The following THSD7B variants were observed in gnomAD, a reference collection of about 807,000 sequenced individuals.
THSD7B encodes the protein thrombospondin type 1 domain containing 7B, also known as thrombospondin type-1 domain-containing protein 7B.
Under a neutral mutation model 213.6 loss-of-function variants are expected in THSD7B, and 138 were observed. The observed-to-expected ratio is 0.65, with a 90% CI of 0.56 to 0.74. The LOEUF is 0.74. Ranked by LOEUF, THSD7B falls within the 30% of genes least tolerant of loss-of-function variation. The probability of loss-of-function intolerance (pLI) is 0.00; values close to 1 mark genes in which losing one functional copy is unlikely to be tolerated. For missense variants in THSD7B, 1,931 were observed against 1,991.5 expected, an observed-to-expected ratio of 0.97 and a Z score of 0.58; for synonymous variants, 742 against 687.0, an observed-to-expected ratio of 1.08 and a Z score of -1.25.
chr2:136,922,741 C>T (rs899107882), intron 2 of THSD7B, among the ~76,000 whole-genome samples: 1 of 152,174 alleles, frequency 6.6e-6, no homozygotes, highest in Non-Finnish European at 1.5e-5. Context: ...AACCTCTTTT[C>T]CATGACTAAT....
intron 12 of THSD7B, among the ~76,000 whole-genome samples, chr2:137,327,777 G>C (rs1190191285): frequency 1.3e-5 from 2 of 152,180 alleles, no homozygotes; most frequent in Non-Finnish European, 2.9e-5. Flanking sequence ...AATAAAATTA[G>C]TTATACTTTC....
intron 15 of THSD7B, among the ~76,000 whole-genome samples, chr2:137,507,962 C>T (rs1051484899): frequency 2.6e-5 from 4 of 152,140 alleles, no homozygotes; most frequent in Admixed American, 2.6e-4. Flanking sequence ...TAAACATGAG[C>T]AAGTTACTTA....
At chr2:137,625,964 T>C (rs1173027973) in intron 20 of THSD7B, among the ~76,000 whole-genome samples, 3 of 152,200 alleles carry the variant, frequency 2.0e-5, no homozygotes, top group East Asian at 3.9e-4. Context: ...CTAAAGCTTA[T>C]AGCTTAGACT....
chr2:137,592,813 A>G (rs1046937478), intron 17 of THSD7B, among the ~76,000 whole-genome samples: 1 of 151,994 alleles, frequency 6.6e-6, no homozygotes, highest in Non-Finnish European at 1.5e-5. Context: ...CAAAAATATA[A>G]GCCAAATCTA....
intron 15 of THSD7B, among the ~76,000 whole-genome samples, chr2:137,498,349 TC>T (rs1205728784): frequency 7.2e-6 from 1 of 138,900 alleles, no homozygotes; most frequent in African/African-American, 2.6e-5. Flanking sequence ...TTTTTTTTTT[TC>T]ATGTGGAAAG....
chr2:137,013,627 C>G (rs1026718524), intron 2 of THSD7B, among the ~76,000 whole-genome samples: 1 of 152,136 alleles, frequency 6.6e-6, no homozygotes, highest in African/African-American at 2.4e-5. Context: ...CAAATGAATC[C>G]TGAACACCAC....
At chr2:137,213,862 A>G (rs1031988408) in intron 7 of THSD7B, among the ~76,000 whole-genome samples, 2 of 152,144 alleles carry the variant, frequency 1.3e-5, no homozygotes, top group Non-Finnish European at 2.9e-5. Context: ...ACACTGAGCT[A>G]TCAGGATCAC....
chr2:137,579,424 G>A (rs372418955), intron 17 of THSD7B, among the ~76,000 whole-genome samples: 3 of 152,256 alleles, frequency 2.0e-5, no homozygotes, highest in Admixed American at 6.5e-5. Flanking sequence ...ACTGTCTTGG[G>A]TCTCCAGCTT....
chr2:136,953,677 T>C (rs1169316666), intron 2 of THSD7B, among the ~76,000 whole-genome samples: 1 of 152,212 alleles, frequency 6.6e-6, no homozygotes, highest in African/African-American at 2.4e-5. Context: ...AACGGAATCT[T>C]ATCTCCCTCA....
chr2:137,188,749 C>T (rs1169405338), intron 7 of THSD7B, among the ~76,000 whole-genome samples: 1 of 152,188 alleles, frequency 6.6e-6, no homozygotes, highest in East Asian at 1.9e-4. Context: ...ACCCAGTGTT[C>T]TGCAGTCCTT....
chr2:137,502,423 C>G (rs6430723), intron 15 of THSD7B, among the ~76,000 whole-genome samples: 148,151 of 152,204 alleles, frequency 0.97, 72,257 homozygotes, highest in East Asian at 1. Flanking sequence ...GAGAGAAAAA[C>G]AACGAGAGGG....
At chr2:136,963,060 G>T (rs1453515951) in intron 2 of THSD7B, among the ~76,000 whole-genome samples, 1 of 152,142 alleles carries the variant, frequency 6.6e-6, no homozygotes, top group African/African-American at 2.4e-5. Flanking sequence ...GCTGAAATAG[G>T]TCAAAATATT....
chr2:136,890,950 A>G (rs972818428), intron 2 of THSD7B, among the ~76,000 whole-genome samples: 1 of 151,848 alleles, frequency 6.6e-6, no homozygotes. Flanking sequence ...CTGATCTTCA[A>G]TTTTTAGATA....
At chr2:137,152,011 T>A (rs1392665532) in intron 5 of THSD7B, among the ~76,000 whole-genome samples, 2 of 42,836 alleles carry the variant, frequency 4.7e-5, no homozygotes, top group African/African-American at 1.3e-4. Context: ...CCTTAATTTT[T>A]TTTTTTTTTT....
chr2:137,035,001 T>C (rs1686747456), intron 2 of THSD7B, among the ~76,000 whole-genome samples: 1 of 152,220 alleles, frequency 6.6e-6, no homozygotes, highest in Non-Finnish European at 1.5e-5. Flanking sequence ...TCTAGATCCC[T>C]GAGGAACCGC....
chr2:137,369,427 T>C (rs1685495502), intron 12 of THSD7B, among the ~76,000 whole-genome samples: 1 of 152,166 alleles, frequency 6.6e-6, no homozygotes, highest in South Asian at 2.1e-4. Context: ...GCTTTGAATT[T>C]GCACTGGACT....
Position 137,405,767 on chromosome 2 carries a change from G to A in THSD7B, c.2655G>A (p.Thr885=), listed in dbSNP as rs566621377. 282 of 1,613,156 alleles carry A rather than the reference G, an allele frequency of 1.7e-4. 1 individual carries two copies. The South Asian group carries it at 2.1e-3, about 12-fold the overall frequency. ...TAWSKFTPCS[T]NCEATKSRRR... The stretch of plus-strand genomic sequence containing the variant: ...GGTCCAAGTTTACGCCCTGCTCCAC[G>A]AACTGTGAAGCCACAAAAAGTAGGC... The change falls in exon 13 of 28, where the codon ACG becomes ACA. Residue 885 remains threonine, a synonymous_variant. Transcript: ENST00000409968.
At chr2:137,325,588 C>G (rs562996396) in intron 12 of THSD7B, among the ~76,000 whole-genome samples, 4 of 152,246 alleles carry the variant, frequency 2.6e-5, no homozygotes, top group Non-Finnish European at 5.9e-5. Flanking sequence ...CAGACACACA[C>G]ACACACAGAC....
intron 2 of THSD7B, among the ~76,000 whole-genome samples, chr2:136,885,928 G>A (rs1683709576): frequency 1.3e-5 from 2 of 152,166 alleles, no homozygotes; most frequent in African/African-American, 4.8e-5. Flanking sequence ...AAAGCTTAAG[G>A]AGGTTGTCCA....
Sources: gnomAD v4.1 joint callset for allele counts (sites outside exome capture counted in the v4.1 genomes callset) on GRCh38, gnomAD v4.1.1 for gene constraint, MANE v1.5 for transcripts, NCBI Gene and HGNC (gene_info 2026-07-23, HGNC 2026-07-21) for gene names.